The following GMDS variants were observed in gnomAD, a reference collection of about 807,000 sequenced individuals.
GMDS encodes GDP-mannose 4,6-dehydratase, also known as GDP-mannose 4,6 dehydratase.
GMDS carries 20 observed loss-of-function variants against 49.9 expected under a neutral mutation model. That is an observed-to-expected ratio of 0.40 (90% CI 0.28 to 0.58). The LOEUF (loss-of-function observed/expected upper bound fraction) is 0.58, where lower values mean the gene tolerates loss of function less well. Ranked by LOEUF, GMDS falls within the 20% of genes least tolerant of loss-of-function variation. The probability of loss-of-function intolerance (pLI) is 0.42; values close to 1 mark genes in which losing one functional copy is unlikely to be tolerated. For missense variants in GMDS, 362 were observed against 481.4 expected (o/e 0.75, Z 2.32); for synonymous variants, 177 against 178.6 (o/e 0.99, Z 0.07).
intron 4 of GMDS, among the ~76,000 whole-genome samples, chr6:2,020,882 G>T (rs1470686532): frequency 6.6e-6 from 1 of 152,176 alleles, no homozygotes; most frequent in African/African-American, 2.4e-5. Context: ...CACATGCAGG[G>T]TTACTTTAAA....
At chr6:2,218,643 C>G (rs1473878627) in intron 1 of GMDS, among the ~76,000 whole-genome samples, 1 of 152,120 alleles carries the variant, frequency 6.6e-6, no homozygotes, top group Non-Finnish European at 1.5e-5. Flanking sequence ...TAATTTTTAT[C>G]TTTCCCAAAT....
chr6:1,834,044 A>G (rs938971223), intron 7 of GMDS, among the ~76,000 whole-genome samples: 21 of 152,250 alleles, frequency 1.4e-4, no homozygotes, highest in Non-Finnish European at 2.9e-5. Flanking sequence ...CAAAAAAATT[A>G]AATAGAAATT....
intron 4 of GMDS, among the ~76,000 whole-genome samples, chr6:2,031,044 A>G (rs527845570): frequency 6.6e-6 from 1 of 152,340 alleles, no homozygotes; most frequent in South Asian, 2.1e-4. Context: ...TAGTATAAAT[A>G]CATAAAGCAG....
chr6:1,632,343 G>A (rs1561686727), intron 9 of GMDS, among the ~76,000 whole-genome samples: 1 of 152,174 alleles, frequency 6.6e-6, no homozygotes, highest in Non-Finnish European at 1.5e-5. Context: ...AGTCCATATT[G>A]TACATATTGT....
At chr6:1,853,174 T>G (rs1757769772) in intron 7 of GMDS, among the ~76,000 whole-genome samples, 1 of 151,994 alleles carries the variant, frequency 6.6e-6, no homozygotes, top group Non-Finnish European at 1.5e-5. Flanking sequence ...CATGAAATAC[T>G]GCCAACACAA....
chr6:1,774,067 G>A (rs1768691874), intron 7 of GMDS, among the ~76,000 whole-genome samples: 1 of 152,186 alleles, frequency 6.6e-6, no homozygotes, highest in Admixed American at 6.5e-5. Flanking sequence ...AGAAGAAAGT[G>A]ATGACCATTG....
intron 1 of GMDS, among the ~76,000 whole-genome samples, chr6:2,140,210 G>A (rs991677549): frequency 5.3e-5 from 8 of 152,086 alleles, no homozygotes; most frequent in African/African-American, 7.2e-5. Context: ...GCATAATCGC[G>A]AGAGTCCTTA....
At chr6:1,905,679 G>A (rs13219047) in intron 7 of GMDS, among the ~76,000 whole-genome samples, 43 of 75,462 alleles carry the variant, frequency 5.7e-4, no homozygotes, top group African/African-American at 1.4e-3. Flanking sequence ...TGTAGGTGGG[G>A]CCTCAAAGGT....
At chr6:1,726,267 A>T in intron 9 of GMDS, 149 bp downstream of exon 9, 1 of 629,582 alleles carries the variant, frequency 1.6e-6, no homozygotes, top group South Asian at 1.9e-5. Context: ...AATTGAATTC[A>T]CTGTGTTCTG....
At chr6:2,151,871 T>C (rs1172702866) in intron 1 of GMDS, among the ~76,000 whole-genome samples, 1 of 152,144 alleles carries the variant, frequency 6.6e-6, no homozygotes, top group Non-Finnish European at 1.5e-5. Context: ...TTTTTTCTTA[T>C]GACAAATTAA....
intron 4 of GMDS, among the ~76,000 whole-genome samples, chr6:2,087,508 A>G (rs1215919584): frequency 6.6e-6 from 1 of 152,160 alleles, no homozygotes; most frequent in East Asian, 1.9e-4. Flanking sequence ...AAATATTCTC[A>G]TTAAGAAAAT....
intron 9 of GMDS, among the ~76,000 whole-genome samples, chr6:1,673,884 A>C (rs565877564): frequency 6.6e-6 from 1 of 150,884 alleles, no homozygotes; most frequent in South Asian, 2.1e-4. Flanking sequence ...ATTTCCTTTT[A>C]TCACTGAAGA....
At chr6:1,755,017 T>C (rs942064351) in intron 7 of GMDS, among the ~76,000 whole-genome samples, 1 of 152,228 alleles carries the variant, frequency 6.6e-6, no homozygotes. Flanking sequence ...AACATAGTGT[T>C]GGAAGTTCTG....
rs534346132 is a variant in GMDS, at chr6:2,171,139, T to C, written c.103-46408A>G. Among the ~76,000 whole-genome samples, 5 of 152,344 alleles carry C rather than the reference T, an allele frequency of 3.3e-5. 1 individual carries two copies. The highest frequency in any genetic ancestry group is 6.8e-3 in the Middle Eastern group (2 of 294). ...GAATTCAGGAACTCATGAACTTGAA[T>C]TCAGGAGTCTGTGCTTCTTAATCTT... is the stretch of plus-strand genomic sequence containing the variant. On this transcript the variant is annotated intron_variant, in intron 1 of 10. Coordinates refer to ENST00000380815, the MANE Select transcript of GMDS (RefSeq NM_001500.4).
chr6:2,075,451 C>G (rs1378694722), intron 4 of GMDS, among the ~76,000 whole-genome samples: 1 of 152,158 alleles, frequency 6.6e-6, no homozygotes, highest in Non-Finnish European at 1.5e-5. Context: ...TGTTCCTCTT[C>G]CTGTGTCCAA....
intron 6 of GMDS, among the ~76,000 whole-genome samples, chr6:1,937,074 C>T (rs887866232): frequency 1.3e-5 from 2 of 151,952 alleles, no homozygotes; most frequent in African/African-American, 2.4e-5. Flanking sequence ...TACACCAATA[C>T]ACATTGTGTT....
intron 8 of GMDS, among the ~76,000 whole-genome samples, chr6:1,729,208 A>G (rs6937688): frequency 0.83 from 126,401 of 152,242 alleles, 53,001 homozygotes; most frequent in East Asian, 1. Flanking sequence ...TTGTAACACT[A>G]GCTGAAATGG....
intron 4 of GMDS, among the ~76,000 whole-genome samples, chr6:2,066,218 C>T (rs1181043278): frequency 7.2e-6 from 1 of 139,218 alleles, no homozygotes; most frequent in African/African-American, 2.5e-5. Flanking sequence ...CAAGCAAATG[C>T]TGAGATTTTG....
At chr6:2,205,680 C>T (rs890188633) in intron 1 of GMDS, among the ~76,000 whole-genome samples, 1 of 152,182 alleles carries the variant, frequency 6.6e-6, no homozygotes, top group African/African-American at 2.4e-5. Flanking sequence ...GCTGGAGCCA[C>T]TGCATCTCTG....
Sources: allele counts gnomAD v4.1 joint callset (sites outside exome capture counted in the v4.1 genomes callset), GRCh38; gene constraint gnomAD v4.1.1; transcripts MANE v1.5; gene names NCBI Gene and HGNC (gene_info 2026-07-23, HGNC 2026-07-21).